The following DSCAM variants were observed in gnomAD, a reference collection of about 807,000 sequenced individuals.
DSCAM encodes the protein cell adhesion molecule DSCAM.
Under a neutral mutation model 217.7 loss-of-function variants are expected in DSCAM, and 47 were observed. That is an observed-to-expected ratio of 0.22 (90% confidence interval 0.17 to 0.28). DSCAM has a LOEUF of 0.28. DSCAM is among the 10% of genes least tolerant of loss of function. The pLI is 1.00. For missense variants in DSCAM, 2,080 were observed against 2,618.3 expected (o/e 0.79, Z 4.49); for synonymous variants, 1,056 against 1,015.3 (o/e 1.04, Z -0.76).
intron 8 of DSCAM, among the ~76,000 whole-genome samples, chr21:40,317,324 C>G (rs1431132556): frequency 6.6e-6 from 1 of 152,202 alleles, no homozygotes; most frequent in Non-Finnish European, 1.5e-5. Flanking sequence ...ACATACAACA[C>G]AAGTAAGCGG....
At chr21:40,521,314 T>G (rs1410871638) in intron 3 of DSCAM, among the ~76,000 whole-genome samples, 1 of 152,168 alleles carries the variant, frequency 6.6e-6, no homozygotes, top group Non-Finnish European at 1.5e-5. Context: ...CCACTTTTAG[T>G]TTTTTGAGAA....
intron 4 of DSCAM, among the ~76,000 whole-genome samples, chr21:40,359,324 C>T (rs1025081493): frequency 6.6e-6 from 1 of 152,238 alleles, no homozygotes; most frequent in Non-Finnish European, 1.5e-5. Context: ...TACAAACCCA[C>T]ACATTTTTCT....
rs76692462 is a variant in DSCAM at position 40,244,453 on chromosome 21, G to GAAAA, written c.2356+31640_2356+31643dup. 2.9e-4 allele frequency among the ~76,000 whole-genome samples: 29 copies of GAAAA among 99,890 alleles called. No homozygotes were observed. The South Asian group carries it at 4.4e-3, about 15-fold the overall frequency. The allele number at this position is 99,890 out of a possible 152,430, so 65.5% of individuals were successfully genotyped here. A position where few individuals can be genotyped will look rare whatever the true frequency, so the allele number is the denominator to read the frequency against. On this transcript the variant is annotated intron_variant, in intron 11 of 32. Coordinates refer to ENST00000400454, the MANE Select transcript of DSCAM (RefSeq NM_001389.5). ...GTGACAGAATGAGACTCCGTCTCCG[G>GAAAA]AAAAAAAAAAAAAAAAAAAGTCACA...
intron 3 of DSCAM, among the ~76,000 whole-genome samples, chr21:40,669,590 ATT>A (rs34792774): frequency 7.6e-4 from 4 of 5,244 alleles, no homozygotes; most frequent in South Asian, 0.013. Context: ...TGTTATATAT[ATT>A]TTTTTTTTTT....
intron 3 of DSCAM, among the ~76,000 whole-genome samples, chr21:40,446,569 T>C (rs2075676502): frequency 6.6e-6 from 1 of 152,118 alleles, no homozygotes; most frequent in Admixed American, 6.6e-5. Context: ...CCAGTCAGTG[T>C]TTCTGTCAAT....
chr21:40,130,409 G>A (rs999588754), intron 19 of DSCAM, among the ~76,000 whole-genome samples: 3 of 152,174 alleles, frequency 2.0e-5, no homozygotes, highest in African/African-American at 7.2e-5. Flanking sequence ...GAAAGAGAAC[G>A]TGAACTGTGA....
intron 3 of DSCAM, among the ~76,000 whole-genome samples, chr21:40,617,767 A>G (rs1344880164): frequency 9.2e-5 from 14 of 152,222 alleles, no homozygotes; most frequent in Non-Finnish European, 1.5e-5. Context: ...GTTGAGGAGC[A>G]CTGACTTAGA....
chr21:40,461,539 TG>T (rs2075805867), intron 3 of DSCAM, among the ~76,000 whole-genome samples: 1 of 152,076 alleles, frequency 6.6e-6, no homozygotes, highest in Non-Finnish European at 1.5e-5. Context: ...ATTCCAGCTC[TG>T]GGGTCTGGGG....
At chr21:40,057,572 G>C (rs760193574) in intron 28 of DSCAM, among the ~76,000 whole-genome samples, 1 of 152,170 alleles carries the variant, frequency 6.6e-6, no homozygotes, top group Non-Finnish European at 1.5e-5. Context: ...ATTAAATAGC[G>C]ATGAACACCA....
intron 3 of DSCAM, among the ~76,000 whole-genome samples, chr21:40,371,826 G>A (rs961821962): frequency 6.6e-6 from 1 of 152,088 alleles, no homozygotes; most frequent in Non-Finnish European, 1.5e-5. Context: ...TTATTGGAAC[G>A]CTAAGCATGT....
chr21:40,120,828 A>G (rs2146661051), intron 20 of DSCAM, among the ~76,000 whole-genome samples: 1 of 152,350 alleles, frequency 6.6e-6, no homozygotes, highest in East Asian at 1.9e-4. Flanking sequence ...TTTCTAAGCT[A>G]AACTGAGAGA....
chr21:40,841,650 C>G (rs1362038776), intron 1 of DSCAM, among the ~76,000 whole-genome samples: 2 of 152,146 alleles, frequency 1.3e-5, no homozygotes, highest in Non-Finnish European at 2.9e-5. Context: ...AGCATCACCC[C>G]TGTCACCATC....
At chr21:40,084,092 A>T in intron 23 of DSCAM, 86 bp from the exon 24 acceptor site, 1 of 1,015,958 alleles carries the variant, frequency 9.8e-7, no homozygotes. Flanking sequence ...ACTCATTTTT[A>T]ACAGCCATTT....
chr21:40,570,809 A>G (rs999314055), intron 3 of DSCAM, among the ~76,000 whole-genome samples: 1 of 152,236 alleles, frequency 6.6e-6, no homozygotes, highest in Non-Finnish European at 1.5e-5. Context: ...AGGCAGGCCA[A>G]TAGACAATAT....
Position 40,167,409 on chromosome 21 carries a change from T to A in DSCAM, c.2948-121A>T, listed in dbSNP as rs2090609407. ...CCTATGTTTGGCACAGAGAAAGAAG[T>A]TTTTAGCGGTCATGGGAAATGTCAA... On this transcript the variant is annotated intron_variant, in intron 15 of 32. Coordinates refer to ENST00000400454, the MANE Select transcript of DSCAM (RefSeq NM_001389.5). The A allele has an allele frequency of 1.3e-5, 10 of 774,266 alleles. No homozygotes were observed. The Admixed American group carries it at 2.4e-4, about 19-fold the overall frequency. 48.0% of individuals were successfully genotyped at this position (774,266 alleles called of 1,614,324 possible). A position where few individuals can be genotyped will look rare whatever the true frequency, so the allele number is the denominator to read the frequency against.
intron 2 of DSCAM, 24 bp from the exon 3 acceptor site, chr21:40,692,980 A>G (rs2090554432): frequency 1.3e-6 from 2 of 1,593,044 alleles, no homozygotes; most frequent in Non-Finnish European, 1.7e-6. Flanking sequence ...AGAGGACGTC[A>G]GTAAGGCACA....
chr21:40,352,827 C>T (rs758198034), intron 5 of DSCAM, among the ~76,000 whole-genome samples: 10 of 152,230 alleles, frequency 6.6e-5, no homozygotes, highest in Admixed American at 1.3e-4. Context: ...TGTGACCCTG[C>T]GATCACATCC....
At chr21:40,333,199 TAA>T (rs1302231075) in intron 8 of DSCAM, among the ~76,000 whole-genome samples, 4 of 152,236 alleles carry the variant, frequency 2.6e-5, no homozygotes, top group Non-Finnish European at 2.9e-5. Flanking sequence ...GCCAAAATTC[TAA>T]GTCTTTTCCT....
At chr21:40,293,614 G>A (rs746093970) in intron 10 of DSCAM, among the ~76,000 whole-genome samples, 2 of 152,206 alleles carry the variant, frequency 1.3e-5, no homozygotes, top group Non-Finnish European at 2.9e-5. Flanking sequence ...AAGTCACGGA[G>A]TTCAAGGCCA....
Sources: allele counts gnomAD v4.1 joint callset (sites outside exome capture counted in the v4.1 genomes callset), GRCh38; gene constraint gnomAD v4.1.1; transcripts MANE v1.5; gene names NCBI Gene and HGNC (gene_info 2026-07-23, HGNC 2026-07-21).